GPX6: variants seen among roughly 807,000 people sequenced by gnomAD.
GPX6 encodes glutathione peroxidase 6.
GPX6 carries 21 observed loss-of-function variants against 20.0 expected under a neutral mutation model. That is an observed-to-expected ratio of 1.05 (90% CI 0.74 to 1.51). The LOEUF (loss-of-function observed/expected upper bound fraction) is 1.51. GPX6 is among the 40% of genes most tolerant of loss of function. The pLI, the probability that GPX6 is intolerant of heterozygous loss-of-function variation, is 0.00. For synonymous variants in GPX6, 75 were observed against 98.0 expected (o/e 0.77, Z 1.38); for missense variants, 233 against 254.7 (o/e 0.91, Z 0.58).
chr6:28,515,751 A>G lies in GPX6; in HGVS notation c.-8T>C. 6.2e-7 allele frequency: 1 copy of G among 1,611,538 alleles called. No homozygotes were observed. The highest frequency in any genetic ancestry group is 1.7e-5 in the Admixed American group (1 of 60,018). ...CTGGAACTGCTGGAACATGGCTAGG[A>G]GTTTTAGACGACTCTGAGGTCCCCA... is the stretch of plus-strand genomic sequence containing the variant. On this transcript the variant is annotated 5_prime_UTR_variant, in exon 1 of 5. Coordinates refer to ENST00000361902, the MANE Select transcript of GPX6 (RefSeq NM_182701.1).
intron 1 of GPX6, 48 bp from the exon 2 acceptor site, chr6:28,510,952 T>G: frequency 6.6e-7 from 1 of 1,516,312 alleles, no homozygotes; most frequent in Non-Finnish European, 9.0e-7. Context: ...AAAAAATAAT[T>G]CCCAACATTT....
chr6:28,511,772 T>G (rs1267732787), intron 1 of GPX6, among the ~76,000 whole-genome samples: 1 of 152,256 alleles, frequency 6.6e-6, no homozygotes, highest in Non-Finnish European at 1.5e-5. Context: ...GCGGCTGCAC[T>G]GTGGGAGCCC....
At chr6:28,512,515 C>T (rs1038258029) in intron 1 of GPX6, among the ~76,000 whole-genome samples, 2 of 152,142 alleles carry the variant, frequency 1.3e-5, no homozygotes, top group Non-Finnish European at 2.9e-5. Context: ...ATTGTAAAGG[C>T]ACCAATCCGC....
chr6:28,513,398 G>A (rs1208933658), intron 1 of GPX6, among the ~76,000 whole-genome samples: 2 of 152,156 alleles, frequency 1.3e-5, no homozygotes, highest in Admixed American at 6.5e-5. Flanking sequence ...TCCACAATCT[G>A]CTAGTTTGTA....
In GPX6 at chr6:28,510,841, C is replaced by T. The variant is rs1762857987; in HGVS notation, c.151G>A (p.Glu51Lys). 6.2e-7 allele frequency: 1 copy of T among 1,613,962 alleles called. No individual in the cohort carries two copies. Among genetic ancestry groups the T allele is most frequent in the African/African-American group, 1.3e-5 (1 of 74,898 alleles). Residue 51 changes from glutamate to lysine, a missense_variant, in exon 2 of 5, where the codon GAG (glutamate) becomes AAG (lysine). Physicochemically the swap from Glu to Lys is moderately conservative, Grantham distance 56 (BLOSUM62 1). Coordinates refer to ENST00000361902, the MANE Select transcript of GPX6 (RefSeq NM_182701.1). The part of the protein sequence containing the change: ...YEYGALTLNG[E>K]EYIQFKQFAG... ...AACTGCTTGAATTGGATGTACTCCTCGCCGTTGAGGGTGAGGGCTCCATAC... is the reference window on the plus strand; with the variant it reads ...AACTGCTTGAATTGGATGTACTCCTTGCCGTTGAGGGTGAGGGCTCCATAC...
chr6:28,509,452 T>C (rs575210482), intron 2 of GPX6, among the ~76,000 whole-genome samples: 2 of 152,080 alleles, frequency 1.3e-5, no homozygotes, highest in African/African-American at 4.8e-5. Context: ...AAGAATCACT[T>C]GAACCTAGGA....
chr6:28,512,414 C>G (rs1762899786), intron 1 of GPX6, among the ~76,000 whole-genome samples: 1 of 152,144 alleles, frequency 6.6e-6, no homozygotes, highest in Admixed American at 6.5e-5. Context: ...TATCTAGCTG[C>G]TCTGGTGGGG....
At chr6:28,515,593 A>C in intron 1 of GPX6, 64 bp downstream of exon 1, 1 of 1,280,396 alleles carries the variant, frequency 7.8e-7, no homozygotes. Context: ...ACTCCTTGCA[A>C]CTCTGGCAGC....
At chr6:28,505,632 C>A (rs1561998586) in intron 4 of GPX6, 71 bp downstream of exon 4, 1 of 1,231,464 alleles carries the variant, frequency 8.1e-7, no homozygotes, top group Non-Finnish European at 1.2e-6. Context: ...AACCACAACC[C>A]TAGACATGAG....
rs1014404643 is a variant in GPX6, at chr6:28,503,459, C to A, written c.*833G>T. 3.3e-5 allele frequency: 5 copies of A among 152,222 alleles called. No homozygotes were observed. The highest frequency in any genetic ancestry group is 1.3e-4 in the Admixed American group (2 of 15,266). 9.4% of individuals were successfully genotyped at this position (152,222 alleles called of 1,614,324 possible). A position where few individuals can be genotyped will look rare whatever the true frequency, so the allele number is the denominator to read the frequency against. On this transcript the variant is annotated 3_prime_UTR_variant, in exon 5 of 5. Coordinates refer to ENST00000361902, the MANE Select transcript of GPX6 (RefSeq NM_182701.1). ...GGACTGGGAAAACACCACACAGAGC[C>A]AGGTTGCTGCAGAATTTTTAAATTT...
intron 1 of GPX6, among the ~76,000 whole-genome samples, chr6:28,512,146 C>T (rs1478968612): frequency 6.6e-6 from 1 of 152,218 alleles, no homozygotes; most frequent in Non-Finnish European, 1.5e-5. Context: ...CCAGTCCCAT[C>T]GGCCACCCAA....
At position 28,515,763 on chromosome 6, in the gene GPX6, C is replaced by T. The variant is rs373072101; in HGVS notation, c.-20G>A. ...GAACATGGCTAGGAGTTTTAGACGA[C>T]TCTGAGGTCCCCAGGATTTCAGCCC... On this transcript the variant is annotated 5_prime_UTR_variant, in exon 1 of 5. Coordinates refer to ENST00000361902, the MANE Select transcript of GPX6 (RefSeq NM_182701.1). The T allele has an allele frequency of 7.5e-6, 12 of 1,597,022 alleles. No homozygotes were observed. The highest frequency in any genetic ancestry group is 9.4e-6 in the Non-Finnish European group (11 of 1,164,810).
intron 4 of GPX6, 26 bp from the exon 5 acceptor site, chr6:28,504,524 G>T: frequency 6.3e-7 from 1 of 1,582,400 alleles, no homozygotes; most frequent in East Asian, 2.2e-5. Context: ...AGAAAGTAGA[G>T]ATATACATTT....
Position 28,504,509 on chromosome 6 carries a change from G to C in GPX6, c.460-11C>G, listed in dbSNP as rs749058162. On this transcript the variant is annotated splice_polypyrimidine_tract_variant and intron_variant, in intron 4 of 4. Coordinates refer to ENST00000361902, the MANE Select transcript of GPX6 (RefSeq NM_182701.1). Reference sequence around the variant, plus strand: ...CGGAGGGCAGGAGTTCTGGAGCAGAGATATAGAAAGTAGAGATATACATTT... The same window carrying C: ...CGGAGGGCAGGAGTTCTGGAGCAGACATATAGAAAGTAGAGATATACATTT... The C allele has an allele frequency of 1.2e-6, 2 of 1,610,318 alleles. No homozygotes were observed. The highest frequency in any genetic ancestry group is 8.5e-7 in the Non-Finnish European group (1 of 1,177,224).
chr6:28,513,516 C>T (rs191775024), intron 1 of GPX6, among the ~76,000 whole-genome samples: 1 of 152,254 alleles, frequency 6.6e-6, no homozygotes, highest in Admixed American at 6.5e-5. Flanking sequence ...TTTCCGGTTT[C>T]GCTGGTACCT....
At chr6:28,513,109 A>C (rs1762937049) in intron 1 of GPX6, among the ~76,000 whole-genome samples, 1 of 152,180 alleles carries the variant, frequency 6.6e-6, no homozygotes, top group Non-Finnish European at 1.5e-5. Context: ...TCCAGGGAAA[A>C]ACCATCTCTC....
At chr6:28,510,490 C>A (rs1024363560) in intron 2 of GPX6, among the ~76,000 whole-genome samples, 25 of 152,142 alleles carry the variant, frequency 1.6e-4, no homozygotes, top group African/African-American at 5.8e-4. Context: ...CTTCAGGGTA[C>A]CGAGTAACAC....
chr6:28,512,157 G>A (rs186403935), intron 1 of GPX6, among the ~76,000 whole-genome samples: 7,506 of 152,348 alleles, frequency 0.049, 227 homozygotes, highest in Non-Finnish European at 0.063. Context: ...GGCCACCCAA[G>A]GGCTGAGGAG....
At chr6:28,505,862 T>C (rs1762801590) in intron 3 of GPX6, 60 bp from the exon 4 acceptor site, 5 of 1,209,920 alleles carry the variant, frequency 4.1e-6, no homozygotes, top group Admixed American at 3.4e-5. Flanking sequence ...TGGAAAATAA[T>C]GGCCACCACC....
Sources: allele counts gnomAD v4.1 joint callset (sites outside exome capture counted in the v4.1 genomes callset), GRCh38; gene constraint gnomAD v4.1.1; transcripts MANE v1.5; gene names NCBI Gene and HGNC (gene_info 2026-07-23, HGNC 2026-07-21).